ITGB1: variants seen among roughly 807,000 people sequenced by gnomAD.
The protein encoded by ITGB1 is integrin subunit beta 1.
In ITGB1, 24 loss-of-function variants were observed where a neutral mutation model predicts 86.5. That is an observed-to-expected ratio of 0.28 (90% CI 0.20 to 0.39). The LOEUF (loss-of-function observed/expected upper bound fraction) is 0.39, where lower values mean the gene tolerates loss of function less well. Among genes scored for constraint, ITGB1 ranks in the 10% least tolerant of loss-of-function variants. The pLI is 1.00. For missense variants in ITGB1, 556 were observed against 946.9 expected, an observed-to-expected ratio of 0.59 and a Z score of 5.42; for synonymous variants, 323 against 316.8, an observed-to-expected ratio of 1.02 and a Z score of -0.21.
At chr10:32,918,859 A>C (rs2094940150) in intron 11 of ITGB1, among the ~76,000 whole-genome samples, 1 of 152,222 alleles carries the variant, frequency 6.6e-6, no homozygotes, top group African/African-American at 2.4e-5. Flanking sequence ...TATACCACTT[A>C]AAATATAACT....
intron 5 of ITGB1, among the ~76,000 whole-genome samples, chr10:32,927,432 C>A (rs556481668): frequency 1.3e-5 from 2 of 152,144 alleles, no homozygotes; most frequent in Non-Finnish European, 1.5e-5. Flanking sequence ...TCAGGCTGTA[C>A]GGGCAGGTGC....
rs1174779166 is a variant in ITGB1, at chr10:32,902,797, T to C, written c.2332-1162A>G. ...TTGGATCTGCCTTTTGGTGGCACAATTTCTGCCCTCAAGGAAGGTATAGTT... is the reference window on the plus strand; with the variant it reads ...TTGGATCTGCCTTTTGGTGGCACAACTTCTGCCCTCAAGGAAGGTATAGTT... On this transcript the variant is annotated intron_variant, in intron 15 of 15. Transcript: ENST00000302278. 2.0e-5 allele frequency among the ~76,000 whole-genome samples: 3 copies of C among 152,322 alleles called. No homozygotes were observed. The East Asian group carries it at 5.8e-4, about 29-fold the overall frequency.
intron 1 of ITGB1, among the ~76,000 whole-genome samples, chr10:32,951,305 C>T (rs778771172): frequency 2.0e-5 from 3 of 151,880 alleles, no homozygotes; most frequent in African/African-American, 4.8e-5. Context: ...ACACCAAGAA[C>T]AGAATCAACA....
intron 2 of ITGB1, among the ~76,000 whole-genome samples, chr10:32,934,957 G>C (rs1257237841): frequency 1.3e-5 from 2 of 152,156 alleles, no homozygotes; most frequent in African/African-American, 2.4e-5. Context: ...AGTTTTTCAA[G>C]ATTCAGAGGA....
intron 3 of ITGB1, among the ~76,000 whole-genome samples, chr10:32,931,799 T>G (rs955309003): frequency 2.7e-4 from 41 of 152,140 alleles, no homozygotes; most frequent in African/African-American, 9.4e-4. Flanking sequence ...TAGTTATTCA[T>G]TCTGTGAATA....
intron 1 of ITGB1, among the ~76,000 whole-genome samples, chr10:32,955,341 G>T (rs1336190262): frequency 6.6e-6 from 1 of 152,186 alleles, no homozygotes; most frequent in Non-Finnish European, 1.5e-5. Flanking sequence ...CTGGCAGAGT[G>T]AGAAAATCTG....
intron 11 of ITGB1, 123 bp from the exon 12 acceptor site, chr10:32,912,247 G>T (rs1593856713): frequency 4.0e-6 from 3 of 747,262 alleles, no homozygotes; most frequent in Admixed American, 5.1e-5. Flanking sequence ...AAGACAGGTG[G>T]TTTCTGCATT....
chr10:32,948,480 G>A (rs1458094060), intron 1 of ITGB1, among the ~76,000 whole-genome samples: 1 of 152,050 alleles, frequency 6.6e-6, no homozygotes, highest in Non-Finnish European at 1.5e-5. Flanking sequence ...CAGAAATAAG[G>A]AGGAAGCTTT....
chr10:32,905,558 C>A (rs1364203433), intron 15 of ITGB1, among the ~76,000 whole-genome samples: 1 of 152,180 alleles, frequency 6.6e-6, no homozygotes, highest in Non-Finnish European at 1.5e-5. Flanking sequence ...TAACTGCTAC[C>A]AAGTACAATG....
intron 7 of ITGB1, 111 bp downstream of exon 7, chr10:32,923,474 A>G (rs2094955955): frequency 2.3e-6 from 2 of 883,684 alleles, no homozygotes; most frequent in Non-Finnish European, 1.7e-6. Context: ...TTACCAAAAC[A>G]GCAAAACCTC....
At position 32,922,334 on chromosome 10, in the gene ITGB1, A is replaced by G; in HGVS notation, c.1051T>C (p.Leu351=). The G allele has an allele frequency of 3.1e-6, 5 of 1,607,032 alleles. No homozygotes were observed. The Middle Eastern group carries it at 6.6e-4, about 213-fold the overall frequency. The part of the protein sequence containing the change: ...FQPVYKELKN[L]IPKSAVGTLS... ...GTTCCTACTGCTGACTTAGGGATCA[A>G]GTTTTTCAGCTCCTGCAATTAAAAG... is the stretch of plus-strand genomic sequence containing the variant. Residue 351 remains leucine, a synonymous_variant, in exon 9 of 16, where the codon TTG becomes CTG. Coordinates refer to ENST00000302278, the MANE Select transcript of ITGB1 (RefSeq NM_002211.4).
chr10:32,949,147 T>G (rs942547973), intron 1 of ITGB1, among the ~76,000 whole-genome samples: 3 of 152,152 alleles, frequency 2.0e-5, no homozygotes, highest in Admixed American at 2.0e-4. Context: ...GATATGATAA[T>G]AATAATGATA....
chr10:32,917,127 C>A (rs2137188210), intron 11 of ITGB1, among the ~76,000 whole-genome samples: 1 of 152,220 alleles, frequency 6.6e-6, no homozygotes, highest in South Asian at 2.1e-4. Context: ...GCTGGGAAAA[C>A]TGGCTAGCCA....
intron 11 of ITGB1, among the ~76,000 whole-genome samples, chr10:32,914,501 C>T (rs1430473098): frequency 6.6e-6 from 1 of 152,070 alleles, no homozygotes; most frequent in Non-Finnish European, 1.5e-5. Flanking sequence ...CAAAAAAAGG[C>T]AGTGGTTGCA....
Position 32,901,706 on chromosome 10 carries a change from T to C in ITGB1, c.2332-71A>G, listed in dbSNP as rs980148629. On this transcript the variant is annotated intron_variant, in intron 15 of 15. Transcript: ENST00000302278. ...AATTATGTAGAATAATTTTTATAAA[T>C]CAAGACTAAAAGTTGCAATCATCTT... is the stretch of plus-strand genomic sequence containing the variant. The C allele has an allele frequency of 8.8e-6, 9 of 1,024,248 alleles. No individual in the cohort carries two copies. The East Asian group carries it at 2.2e-4, about 25-fold the overall frequency. 63.4% of individuals were successfully genotyped at this position (1,024,248 alleles called of 1,614,324 possible).
rs984416050 is a variant in ITGB1, at chr10:32,911,391, G to A, written c.1931+57C>T. The stretch of plus-strand genomic sequence containing the variant: ...CTGTTCTGGTTCTAGAAACAATACA[G>A]GCTTAGGAGAGCCAAGAGGAAGTAT... On this transcript the variant is annotated intron_variant, in intron 13 of 15. Coordinates refer to ENST00000302278, the MANE Select transcript of ITGB1 (RefSeq NM_002211.4). 9 of 1,438,032 alleles carry A rather than the reference G, an allele frequency of 6.3e-6. No individual in the cohort carries two copies. In the African/African-American group the frequency reaches 9.8e-5, roughly 16 times the overall value. 89.1% of individuals were successfully genotyped at this position (1,438,032 alleles called of 1,614,324 possible).
At chr10:32,903,714 G>A (rs1199137618) in intron 15 of ITGB1, among the ~76,000 whole-genome samples, 1 of 152,118 alleles carries the variant, frequency 6.6e-6, no homozygotes, top group African/African-American at 2.4e-5. Context: ...ACAAAACTGT[G>A]TACATCAAAC....
chr10:32,939,726 G>C (rs1363832683), intron 1 of ITGB1, among the ~76,000 whole-genome samples: 1 of 886 alleles, frequency 1.1e-3, no homozygotes, highest in African/African-American at 1.6e-3. Flanking sequence ...GTGGGTAAGT[G>C]AGTGAGTGAG....
intron 1 of ITGB1, among the ~76,000 whole-genome samples, chr10:32,937,479 C>A (rs1023306993): frequency 6.7e-6 from 1 of 150,066 alleles, no homozygotes; most frequent in Non-Finnish European, 1.5e-5. Context: ...TCGCTTGAAC[C>A]CGGGAGGCGG....
Sources: gnomAD v4.1 joint callset for allele counts (sites outside exome capture counted in the v4.1 genomes callset) on GRCh38, gnomAD v4.1.1 for gene constraint, MANE v1.5 for transcripts, NCBI Gene and HGNC (gene_info 2026-07-23, HGNC 2026-07-21) for gene names.